XYLT2: variants seen among roughly 807,000 people sequenced by gnomAD.
XYLT2 encodes the protein xylosyltransferase 2.
A neutral mutation model predicts 82.6 loss-of-function variants in XYLT2; 37 were observed. The ratio of observed to expected loss-of-function variants is 0.45; its 90% CI spans 0.34 to 0.59. XYLT2 has a LOEUF of 0.59. Ranked by LOEUF, XYLT2 falls within the 20% of genes least tolerant of loss-of-function variation. XYLT2 has a pLI of 0.01. For missense variants in XYLT2, 934 were observed against 1,181.3 expected (o/e 0.79, Z 3.07); for synonymous variants, 474 against 499.0 (o/e 0.95, Z 0.67).
Position 50,354,403 on chromosome 17 carries a change from C to G in XYLT2, c.629-5C>G, listed in dbSNP as rs1162519042. On this transcript the variant is annotated splice_polypyrimidine_tract_variant and splice_region_variant and intron_variant, in intron 2 of 10. Coordinates refer to ENST00000017003, the MANE Select transcript of XYLT2 (RefSeq NM_022167.4). ...GCCTCGCCAACGCCTGTCCTCTGCT[C>G]TCAGGGAAGATGAGCCCCGGCATCC... 1 of 1,604,398 alleles carries G rather than the reference C, an allele frequency of 6.2e-7. No homozygotes were observed. Among genetic ancestry groups the G allele is most frequent in the Non-Finnish European group, 8.5e-7 (1 of 1,175,192 alleles).
At position 50,346,630 on chromosome 17, in the gene XYLT2, G is replaced by GAGCC; in HGVS notation, c.135+356_135+359dup. 1.0e-6 allele frequency: 1 copy of GAGCC among 985,344 alleles called. No individual in the cohort carries two copies. The highest frequency in any genetic ancestry group is 4.7e-5 in the South Asian group (1 of 21,286). 61.0% of individuals were successfully genotyped at this position (985,344 alleles called of 1,614,324 possible). A position where few individuals can be genotyped will look rare whatever the true frequency, so the allele number is the denominator to read the frequency against. ...GGGCCCGAACCTGCTCGGAGGTGGG[G>GAGCC]AGCCCCAGGCCAAACTTTCTGAAGT... is the stretch of plus-strand genomic sequence containing the variant. On this transcript the variant is annotated intron_variant, in intron 1 of 10. Coordinates refer to ENST00000017003, the MANE Select transcript of XYLT2 (RefSeq NM_022167.4). This position sits in a 1 kb window ranked among gnomAD's most constrained non-coding sequence, Gnocchi z 5.1.
At chr17:50,354,352 C>A in intron 2 of XYLT2, 56 bp from the exon 3 acceptor site, 1 of 1,536,720 alleles carries the variant, frequency 6.5e-7, no homozygotes. Context: ...CTTCCCATCT[C>A]ACCCCCACCC....
chr17:50,352,139 G>C (rs1051421466), intron 1 of XYLT2, among the ~76,000 whole-genome samples: 20 of 152,238 alleles, frequency 1.3e-4, no homozygotes, highest in African/African-American at 4.8e-4. Flanking sequence ...TTGTGAGCAT[G>C]GAGGGGAAGG....
chr17:50,354,892 C>T lies in XYLT2; in HGVS notation c.843C>T (p.Ala281=). The stretch of plus-strand genomic sequence containing the variant: ...TGCACCGGGAGGTGGTGGAGCTGGC[C>T]CAGGGCTATGATAACGTGCGGGTGA... ...DYLHREVVEL[A]QGYDNVRVTP... Residue 281 remains alanine (A), a synonymous_variant, in exon 4 of 11, where the codon GCC becomes GCT. Transcript: ENST00000017003. 1.2e-6 allele frequency: 2 copies of T among 1,612,472 alleles called. No homozygotes were observed. The highest frequency in any genetic ancestry group is 4.5e-5 in the East Asian group (2 of 44,884).
intron 1 of XYLT2, among the ~76,000 whole-genome samples, chr17:50,347,720 A>G (rs1306582471): frequency 6.6e-6 from 1 of 152,154 alleles, no homozygotes; most frequent in African/African-American, 2.4e-5. Flanking sequence ...CCTGGGCTGG[A>G]ATGTTTGAAA....
rs558836837 is a variant in XYLT2, at chr17:50,349,471, G to A, written c.135+3196G>A. On this transcript the variant is annotated intron_variant, in intron 1 of 10. Transcript: ENST00000017003. ...ACCTTTAAGAGATCAGAGGGCAACCGGGCACTGTGGCTCATGCCTGTAATC... is the reference window on the plus strand; with the variant it reads ...ACCTTTAAGAGATCAGAGGGCAACCAGGCACTGTGGCTCATGCCTGTAATC... Among the ~76,000 whole-genome samples, 10 of 152,348 alleles carry A rather than the reference G, an allele frequency of 6.6e-5. 1 individual carries two copies. The highest frequency in any genetic ancestry group is 2.2e-4 in the African/African-American group (9 of 41,582).
intron 4 of XYLT2, 122 bp from the exon 5 acceptor site, chr17:50,355,379 C>A: frequency 1.9e-6 from 2 of 1,058,902 alleles, no homozygotes; most frequent in Non-Finnish European, 2.8e-6. Flanking sequence ...CAGACATCAG[C>A]CAGGGGTAGG....
Position 50,355,018 on chromosome 17 carries a change from C to T in XYLT2, c.969C>T (p.Asp323=), listed in dbSNP as rs781440043. ...DLLEVPGWAW[D]FFINLSATDY... is the part of the protein sequence containing the mutation. ...TAGAGGTGCCTGGCTGGGCCTGGGA[C>T]TTCTTCATCAACCTCAGTGCCACTG... Residue 323 remains aspartate (D), a synonymous_variant, in exon 4 of 11, where the codon GAC becomes GAT. Transcript: ENST00000017003. 1.9e-5 allele frequency: 30 copies of T among 1,541,242 alleles called. No individual in the cohort carries two copies. The East Asian group carries it at 6.8e-4, about 35-fold the overall frequency.
chr17:50,349,426 G>A (rs1473281995), intron 1 of XYLT2, among the ~76,000 whole-genome samples: 3 of 151,934 alleles, frequency 2.0e-5, no homozygotes, highest in South Asian at 2.1e-4. Flanking sequence ...GGGAATGGGC[G>A]CCCCCAGCTC....
In XYLT2 at chr17:50,360,390, T is replaced by G. The variant is rs1247801184; in HGVS notation, c.*99T>G. The G allele has an allele frequency of 1.4e-6, 2 of 1,440,956 alleles. No homozygotes were observed. Among genetic ancestry groups the G allele is most frequent in the African/African-American group, 2.9e-5 (2 of 69,668 alleles). The allele number at this position is 1,440,956 out of a possible 1,614,324, so 89.3% of individuals were successfully genotyped here. A position where few individuals can be genotyped will look rare whatever the true frequency, so the allele number is the denominator to read the frequency against. ...ACAGGCAAGAACCAGAGGCCCAGGC[T>G]GCACACCCATTTCAGCCATCAAGAA... is the stretch of plus-strand genomic sequence containing the variant. On this transcript the variant is annotated 3_prime_UTR_variant, in exon 11 of 11. Coordinates refer to ENST00000017003, the MANE Select transcript of XYLT2 (RefSeq NM_022167.4).
chr17:50,354,734 G>C, intron 3 of XYLT2, 120 bp from the exon 4 acceptor site: 1 of 1,531,974 alleles, frequency 6.5e-7, no homozygotes, highest in Non-Finnish European at 8.9e-7. Flanking sequence ...CAGCTCAGCC[G>C]CTTAGGGGCT....
chr17:50,349,276 C>A (rs540656881), intron 1 of XYLT2, among the ~76,000 whole-genome samples: 1 of 152,250 alleles, frequency 6.6e-6, no homozygotes, highest in Non-Finnish European at 1.5e-5. Flanking sequence ...AGCCAGCTCA[C>A]ATGTCACCAG....
chr17:50,360,571 C>CTTTTTTTTTTT lies in XYLT2; in HGVS notation c.*289_*299dup, dbSNP rs386386236. 23 of 979,834 alleles carry CTTTTTTTTTTT rather than the reference C, an allele frequency of 2.3e-5. No individual in the cohort carries two copies. The highest frequency in any genetic ancestry group is 1.4e-4 in the Admixed American group (2 of 14,800). 60.7% of individuals were successfully genotyped at this position (979,834 alleles called of 1,614,324 possible). On this transcript the variant is annotated 3_prime_UTR_variant, in exon 11 of 11. Transcript: ENST00000017003. ...TGTCTAGTTTGAATTTCTTTTTTTT[C>CTTTTTTTTTTT]TTTTTTTTTTTTTTTTTTTAATTTA...
intron 4 of XYLT2, among the ~76,000 whole-genome samples, chr17:50,355,299 T>C (rs759541771): frequency 6.6e-6 from 1 of 152,148 alleles, no homozygotes; most frequent in Non-Finnish European, 1.5e-5. Flanking sequence ...CCTGGTGTTC[T>C]GGGTCAGACA....
At chr17:50,350,984 A>G (rs1009881630) in intron 1 of XYLT2, among the ~76,000 whole-genome samples, 14 of 152,130 alleles carry the variant, frequency 9.2e-5, no homozygotes, top group Non-Finnish European at 1.5e-5. Flanking sequence ...GAGAGTGAGC[A>G]TGACAAATTC....
chr17:50,355,605 C>A (rs187145271), intron 5 of XYLT2, 24 bp downstream of exon 5: 1 of 1,613,536 alleles, frequency 6.2e-7, no homozygotes, highest in Non-Finnish European at 8.5e-7. Context: ...GAAGGAGGCC[C>A]TGGCCCCAGA....
At position 50,346,334 on chromosome 17, in the gene XYLT2, G is replaced by T; in HGVS notation, c.135+59G>T. 1 of 1,005,778 alleles carries T rather than the reference G, an allele frequency of 9.9e-7. No individual in the cohort carries two copies. The highest frequency in any genetic ancestry group is 9.9e-5 in the East Asian group (1 of 10,084). The allele number at this position is 1,005,778 out of a possible 1,614,324, so 62.3% of individuals were successfully genotyped here. A position where few individuals can be genotyped will look rare whatever the true frequency, so the allele number is the denominator to read the frequency against. On this transcript the variant is annotated intron_variant, in intron 1 of 10. Transcript: ENST00000017003. The surrounding 1 kb of genome is among the most constrained non-coding windows in gnomAD (Gnocchi z 5.1). ...GCGCGGGGGCGCGCGGGGTCCTGGC[G>T]GGGCTGCGGGCGGCCCCAGCCGGGG...
chr17:50,353,012 C>G (rs1175980582), intron 1 of XYLT2, among the ~76,000 whole-genome samples: 2 of 152,238 alleles, frequency 1.3e-5, no homozygotes, highest in Non-Finnish European at 2.9e-5. Flanking sequence ...CCATCGTTCA[C>G]AGGGGTACCC....
chr17:50,356,918 A>G, intron 8 of XYLT2, 139 bp from the exon 9 acceptor site: 4 of 1,463,602 alleles, frequency 2.7e-6, no homozygotes, highest in Non-Finnish European at 2.7e-6. Context: ...GGCTAGAGCC[A>G]GGCATGCAGG....
Sources: allele counts gnomAD v4.1 joint callset (sites outside exome capture counted in the v4.1 genomes callset), GRCh38; gene constraint gnomAD v4.1.1; non-coding constraint Gnocchi (gnomAD v3.1); transcripts MANE v1.5; gene names NCBI Gene and HGNC (gene_info 2026-07-23, HGNC 2026-07-21).